The following TRIM24 variants were observed in gnomAD, a reference collection of about 807,000 sequenced individuals.
The protein encoded by TRIM24 is tripartite motif containing 24, also known as transcription intermediary factor 1-alpha.
In TRIM24, 29 loss-of-function variants were observed where a neutral mutation model predicts 123.9. That is an observed-to-expected ratio of 0.23 (90% CI 0.17 to 0.32). The LOEUF (loss-of-function observed/expected upper bound fraction) is 0.32. Among genes scored for constraint, TRIM24 ranks in the 10% least tolerant of loss-of-function variants. The pLI is 1.00. For synonymous variants in TRIM24, 456 were observed against 461.1 expected, an observed-to-expected ratio of 0.99 and a Z score of 0.14; for missense variants, 932 against 1,295.3, an observed-to-expected ratio of 0.72 and a Z score of 4.31.
At chr7:138,584,162 C>CAT (rs1673126909) in intron 18 of TRIM24, among the ~76,000 whole-genome samples, 163 bp downstream of exon 18, 1 of 152,172 alleles carries the variant, frequency 6.6e-6, no homozygotes, top group Non-Finnish European at 1.5e-5. Context: ...ACTCTGTCCA[C>CAT]ATTTATATTC....
intron 1 of TRIM24, among the ~76,000 whole-genome samples, chr7:138,499,886 TTATG>T (rs1310787581): frequency 6.6e-6 from 1 of 152,170 alleles, no homozygotes; most frequent in Admixed American, 6.5e-5. Context: ...TTTTTGTTAT[TTATG>T]TATGTAAGAG....
intron 9 of TRIM24, among the ~76,000 whole-genome samples, chr7:138,565,934 G>A (rs1483674402): frequency 6.6e-6 from 1 of 152,166 alleles, no homozygotes; most frequent in Non-Finnish European, 1.5e-5. Context: ...TGGAAATTGA[G>A]TAATGGTAAG....
chr7:138,573,367 T>G, intron 11 of TRIM24, 140 bp from the exon 12 acceptor site: 2 of 755,300 alleles, frequency 2.6e-6, no homozygotes, highest in Non-Finnish European at 3.8e-6. Flanking sequence ...GGAAAATATC[T>G]GTTAGAACTT....
chr7:138,487,894 G>T (rs1425979391), intron 1 of TRIM24, among the ~76,000 whole-genome samples: 1 of 152,138 alleles, frequency 6.6e-6, no homozygotes. Flanking sequence ...TTTTTCTGTT[G>T]ATTGGAATAG....
rs755995393 is a variant in TRIM24 at position 138,577,410 on chromosome 7, A to ATACT, written c.2088-6_2088-3dup. On this transcript the variant is annotated splice_polypyrimidine_tract_variant and intron_variant, in intron 13 of 18. Coordinates refer to ENST00000343526, the MANE Select transcript of TRIM24 (RefSeq NM_015905.3). Reference sequence around the variant, plus strand: ...CTTAGATTGCTTTTTCTTCTCTCTCATACTTACAGCTCTGGCTCTTCCAGC... The same window carrying ATACT: ...CTTAGATTGCTTTTTCTTCTCTCTCATACTTACTTACAGCTCTGGCTCTTCCAGC... 90 of 1,536,832 alleles carry ATACT rather than the reference A, an allele frequency of 5.9e-5. No individual in the cohort carries two copies. The East Asian group carries it at 1.9e-3, about 33-fold the overall frequency.
intron 1 of TRIM24, among the ~76,000 whole-genome samples, chr7:138,476,249 C>T (rs116977689): frequency 0.038 from 5,827 of 152,162 alleles, 156 homozygotes; most frequent in Middle Eastern, 0.088. Flanking sequence ...TTTGTAAATG[C>T]GCATGGGATG....
chr7:138,510,456 C>CTGT (rs1267942561), intron 2 of TRIM24, among the ~76,000 whole-genome samples: 3 of 152,130 alleles, frequency 2.0e-5, no homozygotes, highest in Non-Finnish European at 4.4e-5. Context: ...GAGTCTCACT[C>CTGT]TGTTGCCCAG....
intron 1 of TRIM24, among the ~76,000 whole-genome samples, chr7:138,465,316 G>A (rs991353486): frequency 2.6e-5 from 4 of 152,164 alleles, no homozygotes; most frequent in Non-Finnish European, 4.4e-5. Flanking sequence ...CTAGGAGAGA[G>A]GCAAAACTTT....
chr7:138,562,178 A>G (rs1797441368), intron 9 of TRIM24, among the ~76,000 whole-genome samples: 1 of 152,146 alleles, frequency 6.6e-6, no homozygotes, highest in African/African-American at 2.4e-5. Context: ...TATATATTGC[A>G]GCAAGGTGCA....
chr7:138,583,776 C>A, intron 17 of TRIM24, 74 bp from the exon 18 acceptor site: 1 of 1,049,922 alleles, frequency 9.5e-7, no homozygotes, highest in South Asian at 1.7e-5. Context: ...AATTTTAGAG[C>A]ACATCTCATA....
intron 1 of TRIM24, among the ~76,000 whole-genome samples, chr7:138,489,439 G>C (rs1795728795): frequency 6.6e-6 from 1 of 152,160 alleles, no homozygotes; most frequent in Non-Finnish European, 1.5e-5. Flanking sequence ...TTTCTTCCTA[G>C]CATCGATGGT....
intron 9 of TRIM24, among the ~76,000 whole-genome samples, chr7:138,562,060 G>C (rs915370498): frequency 6.6e-6 from 1 of 152,178 alleles, no homozygotes; most frequent in Non-Finnish European, 1.5e-5. Flanking sequence ...GGACTCTCCT[G>C]GAGCAGATTT....
At chr7:138,481,527 CT>C (rs1795525517) in intron 1 of TRIM24, among the ~76,000 whole-genome samples, 1 of 151,958 alleles carries the variant, frequency 6.6e-6, no homozygotes, top group Non-Finnish European at 1.5e-5. Flanking sequence ...TTTTAAGAAT[CT>C]TTCTGGGCTG....
At position 138,538,432 on chromosome 7, in the gene TRIM24, T is replaced by TA. The variant is rs1295554085; in HGVS notation, c.997-221dup. 2.0e-5 allele frequency among the ~76,000 whole-genome samples: 3 copies of TA among 152,196 alleles called. No homozygotes were observed. The East Asian group carries it at 5.8e-4, about 29-fold the overall frequency. ...GAACAGAGTTAAATCCCAGAATATG[T>TA]AAAACCTGATCCAGGGCCTTGAGGA... On this transcript the variant is annotated intron_variant, in intron 6 of 18. Transcript: ENST00000343526.
chr7:138,563,714 TA>T (rs1317609677), intron 9 of TRIM24, among the ~76,000 whole-genome samples: 2 of 152,226 alleles, frequency 1.3e-5, no homozygotes, highest in African/African-American at 2.4e-5. Context: ...AAACGGAGTG[TA>T]AAGCTGGAAT....
Position 138,570,958 on chromosome 7 carries a change from G to A in TRIM24, c.1833G>A (p.Leu611=), listed in dbSNP as rs1185620656. ...CTTTTGGTTCACCTATGATCGATTT[G>A]AGCTCACCAGTGGGAGGGTCTTATA... ...GKAFGSPMID[L]SSPVGGSYNL... The change falls in exon 11 of 19, where the codon TTG becomes TTA. Residue 611 remains leucine (L), a synonymous_variant. Transcript: ENST00000343526. The A allele has an allele frequency of 1.9e-6, 3 of 1,613,938 alleles. No individual in the cohort carries two copies. The African/African-American group carries it at 4.0e-5, about 22-fold the overall frequency.
chr7:138,505,417 G>T (rs964480055), intron 2 of TRIM24, among the ~76,000 whole-genome samples: 10 of 152,088 alleles, frequency 6.6e-5, no homozygotes, highest in South Asian at 2.1e-4. Context: ...AAGACACCAT[G>T]TCTTTGATCA....
At chr7:138,485,585 T>C (rs1795627035) in intron 1 of TRIM24, among the ~76,000 whole-genome samples, 1 of 152,182 alleles carries the variant, frequency 6.6e-6, no homozygotes, top group South Asian at 2.1e-4. Flanking sequence ...TTCCCACCTA[T>C]GAGTGAGAAC....
At chr7:138,552,527 C>T (rs1193590495) in intron 8 of TRIM24, among the ~76,000 whole-genome samples, 1 of 151,962 alleles carries the variant, frequency 6.6e-6, no homozygotes, top group Non-Finnish European at 1.5e-5. Flanking sequence ...TGTTTATCAA[C>T]AAACAATATT....
Sources: allele counts gnomAD v4.1 joint callset (sites outside exome capture counted in the v4.1 genomes callset), GRCh38; gene constraint gnomAD v4.1.1; transcripts MANE v1.5; gene names NCBI Gene and HGNC (gene_info 2026-07-23, HGNC 2026-07-21).